Variants in LRIG1 observed in about 807,000 individuals in gnomAD.
LRIG1 encodes the protein leucine-rich repeats and immunoglobulin-like domains protein 1.
LRIG1 carries 48 observed loss-of-function variants against 99.2 expected under a neutral mutation model. The ratio of observed to expected loss-of-function variants is 0.48; its 90% CI spans 0.38 to 0.62. LRIG1 has a LOEUF of 0.62. Among genes scored for constraint, LRIG1 ranks in the 20% least tolerant of loss-of-function variants. LRIG1 has a pLI of 0.00. For synonymous variants in LRIG1, 772 were observed against 596.1 expected, an observed-to-expected ratio of 1.29 and a Z score of -4.30; for missense variants, 1,646 against 1,434.4, an observed-to-expected ratio of 1.15 and a Z score of -2.38.
At chr3:66,421,431 T>C (rs1354526034) in intron 3 of LRIG1, among the ~76,000 whole-genome samples, 2 of 152,088 alleles carry the variant, frequency 1.3e-5, no homozygotes, top group African/African-American at 4.8e-5. Flanking sequence ...CTGGGAGAAA[T>C]TGACCAAAAC....
At chr3:66,394,249 A>G in intron 11 of LRIG1, 46 bp from the exon 12 acceptor site, 1 of 1,501,346 alleles carries the variant, frequency 6.7e-7, no homozygotes, top group Non-Finnish European at 8.9e-7. Flanking sequence ...GCCGCAAAGG[A>G]GGGACACTCC....
In LRIG1 at chr3:66,394,034, T is replaced by G. The variant is rs773637811; in HGVS notation, c.1468+6A>C. On this transcript the variant is annotated splice_donor_region_variant and intron_variant, in intron 12 of 18. Coordinates refer to ENST00000273261, the MANE Select transcript of LRIG1 (RefSeq NM_015541.3). ...AGGAGAGAAAAAGTTACAAAGACAGTCTTACCGCACACGAAACTCTCTGGT... is the reference window on the plus strand; with the variant it reads ...AGGAGAGAAAAAGTTACAAAGACAGGCTTACCGCACACGAAACTCTCTGGT... The G allele has an allele frequency of 3.7e-6, 6 of 1,613,848 alleles. No homozygotes were observed. The highest frequency in any genetic ancestry group is 5.1e-6 in the Non-Finnish European group (6 of 1,179,922).
rs1259827722 is a variant in LRIG1 at position 66,500,605 on chromosome 3, G to A, written c.-198C>T. On this transcript the variant is annotated 5_prime_UTR_variant, in exon 1 of 19. Coordinates refer to ENST00000273261, the MANE Select transcript of LRIG1 (RefSeq NM_015541.3). ...GTGCCCGGGCCGCTCCGGAGCACCCGGCGGGGGCCGCAAACCCCGCGCCCA... is the reference window on the plus strand; with the variant it reads ...GTGCCCGGGCCGCTCCGGAGCACCCAGCGGGGGCCGCAAACCCCGCGCCCA... 8.7e-6 allele frequency: 3 copies of A among 345,136 alleles called. No individual in the cohort carries two copies. Among genetic ancestry groups the A allele is most frequent in the East Asian group, 4.4e-5 (1 of 22,556 alleles). The allele number at this position is 345,136 out of a possible 1,614,324, so 21.4% of individuals were successfully genotyped here. A position where few individuals can be genotyped will look rare whatever the true frequency, so the allele number is the denominator to read the frequency against.
chr3:66,400,646 G>T (rs1044360652), intron 9 of LRIG1, among the ~76,000 whole-genome samples: 1 of 152,158 alleles, frequency 6.6e-6, no homozygotes, highest in Non-Finnish European at 1.5e-5. Context: ...GAAGAGACCG[G>T]ACTAGAAGCC....
chr3:66,463,652 T>C (rs572164007), intron 1 of LRIG1, among the ~76,000 whole-genome samples: 5 of 152,348 alleles, frequency 3.3e-5, no homozygotes, highest in African/African-American at 7.2e-5. Flanking sequence ...CCCAGCCCCG[T>C]GTTTGCCAAA....
At chr3:66,422,422 C>G (rs1702849502) in intron 3 of LRIG1, among the ~76,000 whole-genome samples, 1 of 152,222 alleles carries the variant, frequency 6.6e-6, no homozygotes, top group Non-Finnish European at 1.5e-5. Flanking sequence ...AATCATCTCT[C>G]TCAAGTTCAA....
chr3:66,471,859 C>G (rs976959693), intron 1 of LRIG1, among the ~76,000 whole-genome samples: 1 of 152,196 alleles, frequency 6.6e-6, no homozygotes, highest in South Asian at 2.1e-4. Context: ...TCACGGATTA[C>G]TGTTTTCCTT....
chr3:66,478,501 C>T (rs115354685), intron 1 of LRIG1, among the ~76,000 whole-genome samples: 10 of 152,220 alleles, frequency 6.6e-5, no homozygotes, highest in Non-Finnish European at 1.2e-4. Flanking sequence ...GAGGACCACA[C>T]AGGTCAATAA....
intron 11 of LRIG1, 74 bp downstream of exon 11, chr3:66,398,038 A>C (rs985519803): frequency 2.5e-6 from 3 of 1,195,654 alleles, no homozygotes; most frequent in Admixed American, 1.8e-5. Flanking sequence ...AGTGAGCATA[A>C]TGCAATTGCA....
At chr3:66,407,608 C>G (rs1283480446) in intron 7 of LRIG1, 117 bp from the exon 8 acceptor site, 1 of 1,159,626 alleles carries the variant, frequency 8.6e-7, no homozygotes, top group Non-Finnish European at 1.2e-6. Context: ...CAGATGCACA[C>G]GCACGCGCGT....
intron 1 of LRIG1, among the ~76,000 whole-genome samples, chr3:66,487,629 T>C (rs192471880): frequency 8.5e-5 from 13 of 152,220 alleles, no homozygotes; most frequent in Non-Finnish European, 1.5e-4. Context: ...TGTGAAGAGT[T>C]ACCTAATCAG....
chr3:66,405,424 T>G, intron 8 of LRIG1, 146 bp from the exon 9 acceptor site: 1 of 690,212 alleles, frequency 1.4e-6, no homozygotes. Context: ...AAGAGACACG[T>G]GGCCCTGGGA....
intron 4 of LRIG1, among the ~76,000 whole-genome samples, chr3:66,416,769 C>A (rs1702628046): frequency 6.6e-6 from 1 of 152,206 alleles, no homozygotes; most frequent in East Asian, 1.9e-4. Context: ...CTCCCTGAAT[C>A]TCCTCTGGAA....
chr3:66,398,165 C>T lies in LRIG1; in HGVS notation c.1251G>A (p.Ala417=), dbSNP rs780001736. 9 of 1,613,890 alleles carry T rather than the reference C, an allele frequency of 5.6e-6. No individual in the cohort carries two copies. Among genetic ancestry groups the T allele is most frequent in the African/African-American group, 1.3e-5 (1 of 75,048 alleles). Residue 417 remains alanine (A), a synonymous_variant, in exon 11 of 19, where the codon GCG becomes GCA. Coordinates refer to ENST00000273261, the MANE Select transcript of LRIG1 (RefSeq NM_015541.3). ...GLEHLNLGGN[A]IRSVQFDAFV... is the part of the protein sequence containing the mutation. ...AGGCATCAAACTGGACAGATCTGATCGCATTCCCTCCAAGGTTCCTGAAAC... is the reference window on the plus strand; with the variant it reads ...AGGCATCAAACTGGACAGATCTGATTGCATTCCCTCCAAGGTTCCTGAAAC...
rs530931960 is a variant in LRIG1, at chr3:66,405,211, T to C, written c.1147A>G (p.Ser383Gly). The change falls in exon 9 of 19, where the codon AGC becomes GGC. Residue 383 changes from serine to glycine, a missense_variant. Coordinates refer to ENST00000273261, the MANE Select transcript of LRIG1 (RefSeq NM_015541.3). ...GCGGATACTCACAGCTTGCTGAGGC[T>C]GTCGAGCCCTGAGAAGGCGCCGCTC... ...DTSGAFSGLD[S>G]LSKLTLFGNK... The C allele has an allele frequency of 6.2e-7, 1 of 1,614,188 alleles. No homozygotes were observed. The highest frequency in any genetic ancestry group is 1.1e-5 in the South Asian group (1 of 91,090).
At chr3:66,427,183 C>T (rs889578817) in intron 3 of LRIG1, among the ~76,000 whole-genome samples, 1 of 152,248 alleles carries the variant, frequency 6.6e-6, no homozygotes, top group Non-Finnish European at 1.5e-5. Flanking sequence ...TGGTGCTGCA[C>T]TGGAATTCTT....
Position 66,405,239 on chromosome 3 carries a change from G to T in LRIG1, c.1119C>A (p.Asp373Glu), listed in dbSNP as rs767706329. The change falls in exon 9 of 19, where the codon GAC (aspartate) becomes GAA (glutamate). Residue 373 changes from aspartate to glutamate, a missense_variant. Physicochemically the swap from Asp to Glu is conservative, Grantham distance 45. Coordinates refer to ENST00000273261, the MANE Select transcript of LRIG1 (RefSeq NM_015541.3). ...DHNEISGTIEDTSGAFSGLDS... is the reference protein window; with the variant it reads ...DHNEISGTIEETSGAFSGLDS... The stretch of plus-strand genomic sequence containing the variant: ...CGAGCCCTGAGAAGGCGCCGCTCGT[G>T]TCCTCTATTGTGCCCGAAATCTCGT... 69 of 1,614,098 alleles carry T rather than the reference G, an allele frequency of 4.3e-5. No individual in the cohort carries two copies. Among genetic ancestry groups the T allele is most frequent in the Non-Finnish European group, 5.6e-5 (66 of 1,180,026 alleles).
intron 3 of LRIG1, among the ~76,000 whole-genome samples, chr3:66,437,742 C>A (rs1703406567): frequency 6.6e-6 from 1 of 152,174 alleles, no homozygotes; most frequent in Non-Finnish European, 1.5e-5. Flanking sequence ...ACTGTGCCAT[C>A]AGCCCCTCAC....
rs530113705 is a variant in LRIG1 at position 66,406,279 on chromosome 3, A to C, written c.1080-1001T>G. On this transcript the variant is annotated intron_variant, in intron 8 of 18. Coordinates refer to ENST00000273261, the MANE Select transcript of LRIG1 (RefSeq NM_015541.3). ...TTCCTTCCTATCATCTGCATACTGA[A>C]AAAACCAGGAACCAGGGACCCGGGG... 193 of 985,408 alleles carry C rather than the reference A, an allele frequency of 2.0e-4. 1 individual carries two copies. In the South Asian group the frequency reaches 8.0e-3, roughly 41 times the overall value. The allele number at this position is 985,408 out of a possible 1,614,324, so 61.0% of individuals were successfully genotyped here. A position where few individuals can be genotyped will look rare whatever the true frequency, so the allele number is the denominator to read the frequency against.
Sources: allele counts gnomAD v4.1 joint callset (sites outside exome capture counted in the v4.1 genomes callset), GRCh38; gene constraint gnomAD v4.1.1; transcripts MANE v1.5; gene names NCBI Gene and HGNC (gene_info 2026-07-23, HGNC 2026-07-21).